The following CELF2 variants were observed in gnomAD, a reference collection of about 807,000 sequenced individuals.
CELF2 encodes CUGBP Elav-like family member 2, also known as CUG triplet repeat RNA-binding protein 2.
In CELF2, 8 loss-of-function variants were observed where a neutral mutation model predicts 62.6. That is an observed-to-expected ratio of 0.13 (90% CI 0.07 to 0.23). The LOEUF (loss-of-function observed/expected upper bound fraction) is 0.23. Among genes scored for constraint, CELF2 ranks in the 10% least tolerant of loss-of-function variants. CELF2 has a pLI of 1.00. For synonymous variants in CELF2, 258 were observed against 250.0 expected, an observed-to-expected ratio of 1.03 and a Z score of -0.30; for missense variants, 333 against 671.0, an observed-to-expected ratio of 0.50 and a Z score of 5.56.
the CELF2 span, among the ~76,000 whole-genome samples, chr10:10,648,738 C>T: frequency 2.0e-5 from 3 of 152,116 alleles, no homozygotes; most frequent in Admixed American, 6.5e-5. Context: ...TTCTTAATAT[C>T]CAAGATGATT....
At chr10:10,522,274 A>AT in the CELF2 span, among the ~76,000 whole-genome samples, 3 of 152,192 alleles carry the variant, frequency 2.0e-5, no homozygotes, top group Non-Finnish European at 2.9e-5. Context: ...TCCTGTTTTA[A>AT]TTTTTTATAA....
At chr10:11,034,140 C>A (rs957953084) in intron 1 of CELF2, among the ~76,000 whole-genome samples, 1 of 152,106 alleles carries the variant, frequency 6.6e-6, no homozygotes, top group Non-Finnish European at 1.5e-5. Flanking sequence ...TGACTCTGGG[C>A]TTTTGTCCTG....
chr10:10,868,841 G>T (rs117838583), intron 1 of CELF2, among the ~76,000 whole-genome samples: 2,333 of 152,258 alleles, frequency 0.015, 30 homozygotes, highest in Non-Finnish European at 0.025. Context: ...GGTAGAAAAA[G>T]GGAAGAATTT....
At chr10:11,238,134 G>C (rs995226432) in intron 3 of CELF2, among the ~76,000 whole-genome samples, 1 of 152,202 alleles carries the variant, frequency 6.6e-6, no homozygotes, top group Non-Finnish European at 1.5e-5. Flanking sequence ...GACTTCGGAA[G>C]ACAGTTCCAC....
intron 2 of CELF2, among the ~76,000 whole-genome samples, chr10:11,187,529 A>G (rs769968839): frequency 9.2e-5 from 14 of 151,958 alleles, no homozygotes; most frequent in Non-Finnish European, 2.1e-4. Flanking sequence ...ATATAATGTA[A>G]TTGTTGATAA....
chr10:10,625,898 C>T, the CELF2 span, among the ~76,000 whole-genome samples: 1 of 151,694 alleles, frequency 6.6e-6, no homozygotes, highest in Non-Finnish European at 1.5e-5. Context: ...GTCATTGTAT[C>T]TATTTCATGT....
rs2071850390 is a variant in CELF2 at position 11,237,423 on chromosome 10, C to T, written c.355-11730C>T. Among the ~76,000 whole-genome samples the T allele has an allele frequency of 6.6e-6, 1 of 152,064 alleles. No homozygotes were observed. The highest frequency in any genetic ancestry group is 1.5e-5 in the Non-Finnish European group (1 of 68,014). The stretch of plus-strand genomic sequence containing the variant: ...CCTATGGGGTGAGGCAGGAGTGTGG[C>T]TGGAAGAGTCTGAGTAGTAGGTCAT... On this transcript the variant is annotated intron_variant, in intron 3 of 12. Transcript: ENST00000633077. This position sits in a 1 kb window ranked among gnomAD's most constrained non-coding sequence, Gnocchi z 4.0.
intron 8 of CELF2, among the ~76,000 whole-genome samples, chr10:11,277,111 C>G (rs1276309987): frequency 6.6e-6 from 1 of 152,090 alleles, no homozygotes; most frequent in Non-Finnish European, 1.5e-5. Context: ...AGCTGTCGGG[C>G]TCTGTGAAGG....
intron 2 of CELF2, among the ~76,000 whole-genome samples, chr10:10,986,242 A>G (rs1268927511): frequency 3.1e-4 from 47 of 152,202 alleles, no homozygotes; most frequent in Non-Finnish European, 1.0e-4. Flanking sequence ...AATTCTAAAG[A>G]TTGATTTTCA....
Position 11,214,808 on chromosome 10 carries a change from A to G in CELF2, c.272-2617A>G, listed in dbSNP as rs879149129. Among the ~76,000 whole-genome samples, 2 of 152,240 alleles carry G rather than the reference A, an allele frequency of 1.3e-5. No homozygotes were observed. Among genetic ancestry groups the G allele is most frequent in the Admixed American group, 1.3e-4 (2 of 15,288 alleles). ...CACTTAAGAACTATGCATAGTTGGA[A>G]GAGGATCTGTAGTGATAAGTGACTG... On this transcript the variant is annotated intron_variant, in intron 2 of 12. Coordinates refer to ENST00000633077, the MANE Select transcript of CELF2 (RefSeq NM_001326342.2). This position sits in a 1 kb window ranked among gnomAD's most constrained non-coding sequence, Gnocchi z 4.2.
At chr10:10,680,140 T>TGTAC in the CELF2 span, among the ~76,000 whole-genome samples, 200 of 140,566 alleles carry the variant, frequency 1.4e-3, 2 homozygotes, top group East Asian at 0.032. Context: ...TTTGTATGTA[T>TGTAC]GTACGTATGT....
intron 2 of CELF2, among the ~76,000 whole-genome samples, chr10:10,961,995 AGGCAGGAGGATCACTTGAGGCCAG>A (rs1183801089): frequency 1.3e-5 from 2 of 152,034 alleles, no homozygotes; most frequent in African/African-American, 4.8e-5. Context: ...TGGGAGGCCA[AGGCAGGAGGATCACTTGAGGCCAG>A]GAGTTCAGGA....
At chr10:10,750,003 G>T in the CELF2 span, among the ~76,000 whole-genome samples, 2 of 152,180 alleles carry the variant, frequency 1.3e-5, no homozygotes, top group African/African-American at 2.4e-5. Context: ...AATGCCATAG[G>T]CCGGGCGAGG....
the CELF2 span, among the ~76,000 whole-genome samples, chr10:10,744,801 T>C: frequency 6.6e-6 from 1 of 152,050 alleles, no homozygotes; most frequent in Admixed American, 6.6e-5. Context: ...GACTACAGGA[T>C]AAAAATTTGT....
At chr10:10,941,861 G>T (rs1433628472) in intron 2 of CELF2, among the ~76,000 whole-genome samples, 2 of 152,010 alleles carry the variant, frequency 1.3e-5, no homozygotes, top group African/African-American at 4.8e-5. Flanking sequence ...AGGTGTGGTG[G>T]CAGGTGCCTG....
intron 1 of CELF2, among the ~76,000 whole-genome samples, chr10:11,040,506 T>C (rs2061646662): frequency 6.6e-6 from 1 of 152,136 alleles, no homozygotes; most frequent in Admixed American, 6.5e-5. Context: ...ACCTATTTAA[T>C]GTATCTTCTA....
At chr10:10,505,289 C>T in the CELF2 span, among the ~76,000 whole-genome samples, 10 of 151,982 alleles carry the variant, frequency 6.6e-5, no homozygotes, top group Non-Finnish European at 1.2e-4. Context: ...CCTTCTTTAA[C>T]ACATAAGTTG....
chr10:11,174,009 G>A (rs774009898), intron 2 of CELF2, among the ~76,000 whole-genome samples: 66 of 152,194 alleles, frequency 4.3e-4, no homozygotes, highest in Admixed American at 1.4e-3. Context: ...GAGAAATTCC[G>A]TGGGGAATCA....
At chr10:10,706,009 G>A in the CELF2 span, among the ~76,000 whole-genome samples, 62 of 152,124 alleles carry the variant, frequency 4.1e-4, no homozygotes, top group East Asian at 3.5e-3. Context: ...CATCCCAGCC[G>A]GACTGAGCTA....
Sources: allele counts gnomAD v4.1 joint callset (sites outside exome capture counted in the v4.1 genomes callset), GRCh38; gene constraint gnomAD v4.1.1; non-coding constraint Gnocchi (gnomAD v3.1); transcripts MANE v1.5; gene names NCBI Gene and HGNC (gene_info 2026-07-23, HGNC 2026-07-21).